MAP3K20: variants seen among roughly 807,000 people sequenced by gnomAD.
MAP3K20 encodes the protein mitogen-activated protein kinase kinase kinase 20, also known as HCCS-4.
Under a neutral mutation model 85.7 loss-of-function variants are expected in MAP3K20, and 40 were observed. The ratio of observed to expected loss-of-function variants is 0.47; its 90% CI spans 0.36 to 0.61. MAP3K20 has a LOEUF of 0.61. Ranked by LOEUF, MAP3K20 falls within the 20% of genes least tolerant of loss-of-function variation. The probability of loss-of-function intolerance (pLI) is 0.00; values close to 1 mark genes in which losing one functional copy is unlikely to be tolerated. For synonymous variants in MAP3K20, 325 were observed against 327.7 expected (o/e 0.99, Z 0.09); for missense variants, 817 against 961.7 (o/e 0.85, Z 1.99).
At chr2:173,084,269 G>A (rs1390911550) in intron 1 of MAP3K20, among the ~76,000 whole-genome samples, 1 of 151,976 alleles carries the variant, frequency 6.6e-6, no homozygotes, top group African/African-American at 2.4e-5. Context: ...ATCAGGTTAA[G>A]TTTTCTTGGG....
In MAP3K20 at chr2:173,169,756, A is replaced by G. The variant is rs111355248; in HGVS notation, c.160-49A>G. 1.8e-5 allele frequency: 28 copies of G among 1,560,388 alleles called. No homozygotes were observed. The African/African-American group carries it at 2.2e-4, about 12-fold the overall frequency. On this transcript the variant is annotated intron_variant, in intron 2 of 19. Coordinates refer to ENST00000375213, the MANE Select transcript of MAP3K20 (RefSeq NM_016653.3). ...AGTAGGAAGCCTGTTTTATTTGACT[A>G]TTATAAATGTGAAATGTTATGCAAC...
At chr2:173,140,253 A>G (rs1227290240) in intron 2 of MAP3K20, among the ~76,000 whole-genome samples, 1 of 151,820 alleles carries the variant, frequency 6.6e-6, no homozygotes. Context: ...CTCGTGATCC[A>G]CCCACCTCAG....
Position 173,221,798 on chromosome 2 carries a change from T to G in MAP3K20, c.987+4548T>G, listed in dbSNP as rs1406567120. 7.2e-5 allele frequency: 79 copies of G among 1,098,496 alleles called. 2 individuals carry two copies. In the East Asian group the frequency reaches 4.2e-3, roughly 59 times the overall value. 68.0% of individuals were successfully genotyped at this position (1,098,496 alleles called of 1,614,324 possible). Reference sequence around the variant, plus strand: ...GAAATTTGTGATCCTATATACAATATAGGACTTTTAAAGTTGTGACATTCT... The same window carrying G: ...GAAATTTGTGATCCTATATACAATAGAGGACTTTTAAAGTTGTGACATTCT... On this transcript the variant is annotated intron_variant, in intron 11 of 19. Coordinates refer to ENST00000375213, the MANE Select transcript of MAP3K20 (RefSeq NM_016653.3).
intron 2 of MAP3K20, among the ~76,000 whole-genome samples, chr2:173,161,868 A>G (rs776410761): frequency 6.6e-6 from 1 of 152,206 alleles, no homozygotes; most frequent in Non-Finnish European, 1.5e-5. Flanking sequence ...GGTTAACTAA[A>G]TGAGTTTTTA....
chr2:173,099,256 T>G (rs186267337), intron 2 of MAP3K20, among the ~76,000 whole-genome samples: 2 of 149,584 alleles, frequency 1.3e-5, no homozygotes, highest in East Asian at 3.9e-4. Flanking sequence ...AATCTGACTT[T>G]CCGGCCTTTT....
rs370905522 is a variant in MAP3K20 at position 173,132,747 on chromosome 2, AC to A, written c.160-37057del. ...AATTTGAATCCATCTCAGCTGTACC[AC>A]TTGTTAGCTTTGTGACCCAGGGCCC... On this transcript the variant is annotated intron_variant, in intron 2 of 19. Coordinates refer to ENST00000375213, the MANE Select transcript of MAP3K20 (RefSeq NM_016653.3). Among the ~76,000 whole-genome samples the A allele has an allele frequency of 3.7e-3, 566 of 152,262 alleles. 7 individuals carry two copies. The highest frequency in any genetic ancestry group is 0.013 in the African/African-American group (541 of 41,554).
At chr2:173,082,649 GT>G (rs1437385511) in intron 1 of MAP3K20, among the ~76,000 whole-genome samples, 1 of 152,180 alleles carries the variant, frequency 6.6e-6, no homozygotes, top group Non-Finnish European at 1.5e-5. Flanking sequence ...CTCATCCCCA[GT>G]CCTGACACCT....
chr2:173,220,079 G>A lies in MAP3K20; in HGVS notation c.987+2829G>A, dbSNP rs200629073. 2.0e-3 allele frequency among the ~76,000 whole-genome samples: 154 copies of A among 77,358 alleles called. 2 individuals carry two copies. The highest frequency in any genetic ancestry group is 8.5e-3 in the Middle Eastern group (1 of 118). The allele number at this position is 77,358 out of a possible 152,430, so 50.7% of individuals were successfully genotyped here. A position where few individuals can be genotyped will look rare whatever the true frequency, so the allele number is the denominator to read the frequency against. On this transcript the variant is annotated intron_variant, in intron 11 of 19. Coordinates refer to ENST00000375213, the MANE Select transcript of MAP3K20 (RefSeq NM_016653.3). ...CTAGACTCTGTCTCAAAAAAAAAAA[G>A]GAAACTGATCCTGAATATTAGGTAC...
chr2:173,162,688 A>C (rs1261941120), intron 2 of MAP3K20, among the ~76,000 whole-genome samples: 1 of 46,268 alleles, frequency 2.2e-5, no homozygotes, highest in African/African-American at 1.6e-4. Context: ...CTCCGTCTCC[A>C]AAAAAAAAAA....
intron 2 of MAP3K20, among the ~76,000 whole-genome samples, chr2:173,151,708 G>A (rs1452295427): frequency 3.3e-5 from 5 of 152,146 alleles, no homozygotes; most frequent in South Asian, 2.1e-4. Context: ...AGATTGCCTC[G>A]TTTGAATTTT....
At chr2:173,130,178 A>G (rs1450602842) in intron 2 of MAP3K20, among the ~76,000 whole-genome samples, 1 of 152,222 alleles carries the variant, frequency 6.6e-6, no homozygotes, top group African/African-American at 2.4e-5. Context: ...TTTTATTATC[A>G]TGAAACATTT....
chr2:173,227,281 A>T (rs1684415088), intron 11 of MAP3K20: 1 of 392,234 alleles, frequency 2.5e-6, no homozygotes, highest in African/African-American at 2.2e-5. Flanking sequence ...GAGTGTAAAT[A>T]ATAAATTTGT....
intron 10 of MAP3K20, among the ~76,000 whole-genome samples, chr2:173,215,179 CAA>C (rs1355203665): frequency 6.6e-6 from 1 of 152,200 alleles, no homozygotes; most frequent in Non-Finnish European, 1.5e-5. Context: ...GAACATCAGT[CAA>C]TCTGTCTCAC....
rs1437850224 is a variant in MAP3K20, at chr2:173,258,813, AAGGT to A, written c.1476+2_1476+5del. 10 of 1,579,724 alleles carry A rather than the reference AAGGT, an allele frequency of 6.3e-6. No individual in the cohort carries two copies. In the South Asian group the frequency reaches 1.1e-4, roughly 18 times the overall value. On this transcript the variant is annotated splice_donor_variant and coding_sequence_variant, in exon 17 of 20. Coordinates refer to ENST00000375213, the MANE Select transcript of MAP3K20 (RefSeq NM_016653.3). LOFTEE classifies it high-confidence loss of function. Reference sequence around the variant, plus strand: ...TGATGCGGAGATTTTAAAGATGACAAAGGTAGGGTTCTATTTACGGCTTAAAAGC... The same window carrying A: ...TGATGCGGAGATTTTAAAGATGACAAAGGGTTCTATTTACGGCTTAAAAGC...
intron 1 of MAP3K20, among the ~76,000 whole-genome samples, chr2:173,089,413 A>G (rs1687229298): frequency 6.7e-6 from 1 of 148,724 alleles, no homozygotes; most frequent in South Asian, 2.2e-4. Flanking sequence ...TTCCCAAGCA[A>G]TACATCCAAG....
At chr2:173,132,480 C>T (rs367950547) in intron 2 of MAP3K20, among the ~76,000 whole-genome samples, 2 of 152,146 alleles carry the variant, frequency 1.3e-5, no homozygotes, top group Non-Finnish European at 2.9e-5. Context: ...GCATTTCTAC[C>T]CCTTCCCTGC....
At chr2:173,101,199 T>G (rs769107922) in intron 2 of MAP3K20, among the ~76,000 whole-genome samples, 18 of 152,336 alleles carry the variant, frequency 1.2e-4, no homozygotes, top group Non-Finnish European at 2.4e-4. Flanking sequence ...GTAGTTACAT[T>G]AAGACAAACA....
chr2:173,076,137 C>CGGGA, intron 1 of MAP3K20, 135 bp downstream of exon 1: 1 of 591,994 alleles, frequency 1.7e-6, no homozygotes, highest in African/African-American at 2.0e-5. Context: ...GGAGGCTCCT[C>CGGGA]GGGGCTCCCC....
At chr2:173,174,664 CAT>C (rs572408613) in intron 3 of MAP3K20, among the ~76,000 whole-genome samples, 44 of 152,258 alleles carry the variant, frequency 2.9e-4, no homozygotes, top group African/African-American at 6.7e-4. Context: ...CCACAATAAA[CAT>C]ATGTGTGTGT....
Sources: allele counts gnomAD v4.1 joint callset (sites outside exome capture counted in the v4.1 genomes callset), GRCh38; gene constraint gnomAD v4.1.1; transcripts MANE v1.5; gene names NCBI Gene and HGNC (gene_info 2026-07-23, HGNC 2026-07-21).